The following ANK2 variants were observed in gnomAD, a reference collection of about 807,000 sequenced individuals.
The protein encoded by ANK2 is ankyrin-2.
ANK2 carries 83 observed loss-of-function variants against 360.5 expected under a neutral mutation model. The ratio of observed to expected loss-of-function variants is 0.23; its 90% CI spans 0.19 to 0.28. The LOEUF is 0.28. Ranked by LOEUF, ANK2 falls within the 10% of genes least tolerant of loss-of-function variation. ANK2 has a pLI of 1.00. For missense variants in ANK2, 4,201 were observed against 4,795.7 expected (o/e 0.88, Z 3.66); for synonymous variants, 1,740 against 1,759.5 (o/e 0.99, Z 0.28).
rs60272903 is a variant in ANK2 at position 112,829,491 on chromosome 4, C to CAAAAAAAAAAAAAAAAAAAAAAAA, written c.-40+11246_-40+11247insAAAAAAAAAAAAAAAAAAAAAAAA. Among the ~76,000 whole-genome samples, 227 of 60,674 alleles carry CAAAAAAAAAAAAAAAAAAAAAAAA rather than the reference C, an allele frequency of 3.7e-3. 18 individuals are homozygous for CAAAAAAAAAAAAAAAAAAAAAAAA. Among genetic ancestry groups the CAAAAAAAAAAAAAAAAAAAAAAAA allele is most frequent in the Middle Eastern group, 0.018 (1 of 56 alleles). The allele number at this position is 60,674 out of a possible 152,430, so 39.8% of individuals were successfully genotyped here. On this transcript the variant is annotated intron_variant, in intron 1 of 30. Coordinates refer to the ANK2 transcript ENST00000503271. ...GCAACATAGTATGAGCCCATCTCTA[C>CAAAAAAAAAAAAAAAAAAAAAAAA]AAAAAAAAAAAAAAAAAAAGGAAGG...
chr4:113,310,692 C>T (rs1284839092), intron 23 of ANK2, among the ~76,000 whole-genome samples: 1 of 152,220 alleles, frequency 6.6e-6, no homozygotes, highest in Non-Finnish European at 1.5e-5. Flanking sequence ...GTTGGGATTA[C>T]AGGCATGAGC....
At chr4:112,795,991 AG>A in the ANK2 span, among the ~76,000 whole-genome samples, 1 of 140,654 alleles carries the variant, frequency 7.1e-6, no homozygotes, top group African/African-American at 2.7e-5. Flanking sequence ...GTAGAGATGG[AG>A]TTTCACTATG....
Position 112,985,800 on chromosome 4 carries a change from T to C in ANK2, c.21+81286T>C, listed in dbSNP as rs537504863. Reference sequence around the variant, plus strand: ...GGACAGTAGGCATTGATTAAAAATATATACTGTGGCAATGGACTTTGGGGA... The same window carrying C: ...GGACAGTAGGCATTGATTAAAAATACATACTGTGGCAATGGACTTTGGGGA... On this transcript the variant is annotated intron_variant, in intron 2 of 30. Coordinates refer to the ANK2 transcript ENST00000503271. Among the ~76,000 whole-genome samples the C allele has an allele frequency of 9.2e-5, 14 of 152,068 alleles. No individual in the cohort carries two copies. In the South Asian group the frequency reaches 2.9e-3, roughly 32 times the overall value.
chr4:112,978,725 G>A (rs1431934053), intron 2 of ANK2, among the ~76,000 whole-genome samples: 1 of 152,074 alleles, frequency 6.6e-6, no homozygotes, highest in Non-Finnish European at 1.5e-5. Context: ...ACCTCTCAGT[G>A]GGCATTTGGG....
chr4:113,202,582 G>A (rs1272153996), intron 4 of ANK2, among the ~76,000 whole-genome samples: 1 of 152,196 alleles, frequency 6.6e-6, no homozygotes, highest in African/African-American at 2.4e-5. Context: ...GCAAACTTCC[G>A]AGTTATTTGC....
At chr4:112,800,846 G>C in the ANK2 span, among the ~76,000 whole-genome samples, 1 of 152,084 alleles carries the variant, frequency 6.6e-6, no homozygotes, top group Non-Finnish European at 1.5e-5. Context: ...AGTAGAGACG[G>C]GTTTCACCAT....
chr4:113,333,040 CA>C lies in ANK2; in HGVS notation c.3225-13del. The C allele has an allele frequency of 6.2e-7, 1 of 1,614,148 alleles. No homozygotes were observed. The highest frequency in any genetic ancestry group is 8.5e-7 in the Non-Finnish European group (1 of 1,180,014). On this transcript the variant is annotated splice_polypyrimidine_tract_variant and intron_variant, in intron 28 of 45. Transcript: ENST00000357077. ...GCTCCTGTCCACACTGAATGTTCTGCATTGCTATGTCAGGCCTGTGATCGTG... is the reference window on the plus strand; with the variant it reads ...GCTCCTGTCCACACTGAATGTTCTGCTTGCTATGTCAGGCCTGTGATCGTG...
the ANK2 span, among the ~76,000 whole-genome samples, chr4:112,718,299 C>G: frequency 6.6e-6 from 1 of 152,100 alleles, no homozygotes; most frequent in Non-Finnish European, 1.5e-5. Context: ...GTGGATAGCC[C>G]TCATCCTATT....
chr4:113,227,665 C>G (rs2099241610), intron 4 of ANK2, among the ~76,000 whole-genome samples: 1 of 152,106 alleles, frequency 6.6e-6, no homozygotes, highest in African/African-American at 2.4e-5. Context: ...GGATGGAGTC[C>G]TAATACCATT....
At chr4:113,316,440 A>G (rs903126878) in intron 24 of ANK2, among the ~76,000 whole-genome samples, 13 of 152,262 alleles carry the variant, frequency 8.5e-5, no homozygotes, top group Non-Finnish European at 1.6e-4. Flanking sequence ...TTGACACCTC[A>G]TAGATATGAT....
chr4:113,305,148 G>A (rs1369164328), intron 23 of ANK2, among the ~76,000 whole-genome samples: 11 of 151,220 alleles, frequency 7.3e-5, no homozygotes, highest in South Asian at 4.2e-4. Context: ...AGACCATCCC[G>A]GCTAAAACGG....
chr4:112,715,496 A>G, the ANK2 span, among the ~76,000 whole-genome samples: 1 of 152,256 alleles, frequency 6.6e-6, no homozygotes, highest in Non-Finnish European at 1.5e-5. Context: ...GGTATCAAAC[A>G]GGACTTAGCA....
intron 2 of ANK2, among the ~76,000 whole-genome samples, chr4:112,958,498 G>T (rs2032502479): frequency 6.6e-6 from 1 of 152,210 alleles, no homozygotes. Flanking sequence ...GCAGGCTGAG[G>T]CAGGAGAATC....
chr4:112,954,635 C>T (rs1006748485), intron 2 of ANK2, among the ~76,000 whole-genome samples: 14 of 152,080 alleles, frequency 9.2e-5, no homozygotes, highest in African/African-American at 2.7e-4. Flanking sequence ...TTTATTTCAC[C>T]ATTAACCAAC....
At chr4:113,308,703 A>G (rs1428778420) in intron 23 of ANK2, among the ~76,000 whole-genome samples, 1 of 152,252 alleles carries the variant, frequency 6.6e-6, no homozygotes, top group East Asian at 1.9e-4. Flanking sequence ...GTTAACAAAC[A>G]GGAGTCAGAG....
At chr4:112,956,456 G>T (rs2095333923) in intron 2 of ANK2, among the ~76,000 whole-genome samples, 1 of 152,060 alleles carries the variant, frequency 6.6e-6, no homozygotes, top group East Asian at 1.9e-4. Flanking sequence ...TGTGCTTTGT[G>T]GTCGCTATTA....
intron 1 of ANK2, among the ~76,000 whole-genome samples, chr4:113,067,667 G>A (rs547303255): frequency 6.6e-6 from 1 of 152,344 alleles, no homozygotes; most frequent in East Asian, 1.9e-4. Flanking sequence ...AGGTCTTCAG[G>A]TTGGAGGCAA....
chr4:113,047,295 T>C (rs1579957450), upstream of ANK2, among the ~76,000 whole-genome samples: 3 of 152,200 alleles, frequency 2.0e-5, no homozygotes, highest in African/African-American at 4.8e-5. Context: ...TATTCTACTT[T>C]TTTTCCCCAG....
chr4:113,262,815 C>T (rs1249562684), intron 13 of ANK2, among the ~76,000 whole-genome samples: 1 of 151,774 alleles, frequency 6.6e-6, no homozygotes, highest in East Asian at 1.9e-4. Flanking sequence ...ACTTGAGCAT[C>T]CATGTATTTT....
Sources: gnomAD v4.1 joint callset for allele counts (sites outside exome capture counted in the v4.1 genomes callset) on GRCh38, gnomAD v4.1.1 for gene constraint, MANE v1.5 for transcripts, NCBI Gene and HGNC (gene_info 2026-07-23, HGNC 2026-07-21) for gene names.